The following ARHGAP44 variants were observed in gnomAD, a reference collection of about 807,000 sequenced individuals.
The protein encoded by ARHGAP44 is Rho GTPase activating protein 44, also known as rho GTPase-activating protein 44.
A neutral mutation model predicts 106.8 loss-of-function variants in ARHGAP44; 43 were observed. That is an observed-to-expected ratio of 0.40 (90% CI 0.32 to 0.52). The LOEUF (loss-of-function observed/expected upper bound fraction) is 0.52. Ranked by LOEUF, ARHGAP44 falls within the 20% of genes least tolerant of loss-of-function variation. ARHGAP44 has a pLI of 0.48. For missense variants in ARHGAP44, 866 were observed against 1,050.5 expected (o/e 0.82, Z 2.43); for synonymous variants, 439 against 410.3 (o/e 1.07, Z -0.85).
Position 12,974,106 on chromosome 17 carries a change from T to C in ARHGAP44, c.1559T>C (p.Met520Thr), listed in dbSNP as rs766771651. Residue 520 changes from methionine to threonine, a missense_variant, in exon 18 of 21, where the codon ATG (methionine) becomes ACG (threonine). Coordinates refer to ENST00000379672, the MANE Select transcript of ARHGAP44 (RefSeq NM_014859.6). The stretch of plus-strand genomic sequence containing the variant: ...CTCGCCAGCATGGGTGTGAGGGTCA[T>C]GGACACAAACTGGGTGGCTCGAAGA... Reference protein sequence around the residue: ...RKIQSMGVRVMDTNWVARRGS... With the variant: ...RKIQSMGVRVTDTNWVARRGS... 6.4e-7 allele frequency: 1 copy of C among 1,570,462 alleles called. No individual in the cohort carries two copies. The highest frequency in any genetic ancestry group is 8.6e-7 in the Non-Finnish European group (1 of 1,157,770).
intron 1 of ARHGAP44, among the ~76,000 whole-genome samples, chr17:12,890,829 A>T (rs186188770): frequency 1.2e-4 from 18 of 152,328 alleles, no homozygotes; most frequent in Non-Finnish European, 4.4e-5. Context: ...ATGCAGTTAA[A>T]GGAAGCCATG....
At position 12,984,584 on chromosome 17, in the gene ARHGAP44, G is replaced by A. The variant is rs888323516; in HGVS notation, c.1993G>A (p.Ala665Thr). 6.3e-6 allele frequency: 10 copies of A among 1,595,296 alleles called. No homozygotes were observed. The highest frequency in any genetic ancestry group is 5.1e-5 in the Admixed American group (3 of 58,274). ...PPKVPFGQPG[A>T]MADQSAGQPS... ...CAAGGTCCCCTTTGGCCAGCCGGGG[G>A]CTATGGCAGACCAGTCCGCTGGCCA... The change falls in exon 20 of 21, where the codon GCT (alanine) becomes ACT (threonine). Residue 665 changes from alanine (A) to threonine (T), a missense_variant. Transcript: ENST00000379672.
intron 1 of ARHGAP44, among the ~76,000 whole-genome samples, chr17:12,806,634 A>C (rs2034282122): frequency 6.6e-6 from 1 of 152,200 alleles, no homozygotes; most frequent in Non-Finnish European, 1.5e-5. Flanking sequence ...ATGAGCATGG[A>C]TTCTGATGTC....
At chr17:12,890,439 G>A (rs1028587455) in intron 1 of ARHGAP44, among the ~76,000 whole-genome samples, 1 of 152,170 alleles carries the variant, frequency 6.6e-6, no homozygotes, top group African/African-American at 2.4e-5. Context: ...ACTACACTTG[G>A]GGTTACTTGA....
At chr17:12,860,769 G>A (rs1330123467) in intron 1 of ARHGAP44, among the ~76,000 whole-genome samples, 1 of 152,072 alleles carries the variant, frequency 6.6e-6, no homozygotes, top group Non-Finnish European at 1.5e-5. Context: ...TCAGGGAAGG[G>A]ATGTGACTTG....
intron 1 of ARHGAP44, among the ~76,000 whole-genome samples, chr17:12,884,531 CT>C (rs1167595914): frequency 4.6e-5 from 7 of 152,126 alleles, no homozygotes; most frequent in Admixed American, 2.6e-4. Flanking sequence ...TTCAAAGTTT[CT>C]TTTTTACTTT....
At chr17:12,861,667 A>ATTTTTTTTTTTTT (rs2036085463) in intron 1 of ARHGAP44, among the ~76,000 whole-genome samples, 1 of 478 alleles carries the variant, frequency 2.1e-3, no homozygotes. Flanking sequence ...TTGAGATGGA[A>ATTTTTTTTTTTTT]TCTTGCTCAG....
intron 5 of ARHGAP44, among the ~76,000 whole-genome samples, chr17:12,918,294 T>C (rs561961821): frequency 6.6e-6 from 1 of 152,200 alleles, no homozygotes; most frequent in African/African-American, 2.4e-5. Flanking sequence ...ACGCAGAACA[T>C]TACTCATCCC....
chr17:12,825,545 A>G (rs150504659), intron 1 of ARHGAP44, among the ~76,000 whole-genome samples: 53 of 152,176 alleles, frequency 3.5e-4, no homozygotes, highest in Middle Eastern at 3.4e-3. Context: ...CTGGAGACCC[A>G]AGGGAGAGTT....
rs546176035 is a variant in ARHGAP44, at chr17:12,975,640, T to C, written c.1763+1330T>C. Among the ~76,000 whole-genome samples the C allele has an allele frequency of 8.2e-3, 1,231 of 150,986 alleles. 12 individuals carry two copies. Among genetic ancestry groups the C allele is most frequent in the African/African-American group, 0.028 (1,164 of 41,156 alleles). On this transcript the variant is annotated intron_variant, in intron 18 of 20. Coordinates refer to ENST00000379672, the MANE Select transcript of ARHGAP44 (RefSeq NM_014859.6). ...GGTGAAACCCCACCTCTACTAAAAA[T>C]ACAAAAAATTAGCTGGGCGTGGTGG... is the stretch of plus-strand genomic sequence containing the variant.
In ARHGAP44 at chr17:12,878,489, G is replaced by T. The variant is rs189336696; in HGVS notation, c.54-16451G>T. On this transcript the variant is annotated intron_variant, in intron 1 of 20. Coordinates refer to ENST00000379672, the MANE Select transcript of ARHGAP44 (RefSeq NM_014859.6). The stretch of plus-strand genomic sequence containing the variant: ...TGTACCCAGATGTCATCTACACAGC[G>T]CCTGTCATCCTGTGGAATGACTCAT... Among the ~76,000 whole-genome samples, 11 of 152,264 alleles carry T rather than the reference G, an allele frequency of 7.2e-5. No individual in the cohort carries two copies. In the East Asian group the frequency reaches 1.7e-3, roughly 24 times the overall value.
At chr17:12,923,028 T>C (rs2038130122) in intron 6 of ARHGAP44, among the ~76,000 whole-genome samples, 2 of 152,180 alleles carry the variant, frequency 1.3e-5, no homozygotes, top group South Asian at 4.1e-4. Context: ...CCCATGCAAA[T>C]TTCTGTTTTT....
At chr17:12,837,431 G>A (rs544639283) in intron 1 of ARHGAP44, among the ~76,000 whole-genome samples, 1 of 152,188 alleles carries the variant, frequency 6.6e-6, no homozygotes, top group East Asian at 1.9e-4. Flanking sequence ...AAAGAAAAGA[G>A]GGTTGATTTT....
chr17:12,874,919 G>A (rs1323279542), intron 1 of ARHGAP44, among the ~76,000 whole-genome samples: 1 of 150,940 alleles, frequency 6.6e-6, no homozygotes, highest in Non-Finnish European at 1.5e-5. Flanking sequence ...TATCGGGCAG[G>A]GCAGGATTGG....
intron 1 of ARHGAP44, among the ~76,000 whole-genome samples, chr17:12,826,478 C>T (rs2034922099): frequency 6.6e-6 from 1 of 152,180 alleles, no homozygotes; most frequent in East Asian, 1.9e-4. Flanking sequence ...TAGCCAGAGC[C>T]AACTTTGTTT....
chr17:12,929,120 A>C, intron 7 of ARHGAP44, 74 bp downstream of exon 7: 1 of 1,365,638 alleles, frequency 7.3e-7, no homozygotes, highest in Non-Finnish European at 1.0e-6. Flanking sequence ...TGTTCACTGG[A>C]GTTCTCTTAA....
chr17:12,891,798 G>GT (rs11408193), intron 1 of ARHGAP44, among the ~76,000 whole-genome samples: 102,822 of 142,562 alleles, frequency 0.72, 37,109 homozygotes, highest in East Asian at 0.93. Flanking sequence ...CATTTTTGGG[G>GT]TTTTTTTTTT....
intron 1 of ARHGAP44, among the ~76,000 whole-genome samples, chr17:12,823,695 T>G (rs2034839440): frequency 6.6e-6 from 1 of 152,214 alleles, no homozygotes; most frequent in Admixed American, 6.5e-5. Context: ...CATGTTTGAT[T>G]TCTTCCATCT....
At chr17:12,894,857 G>A (rs1010576562) in intron 1 of ARHGAP44, 83 bp from the exon 2 acceptor site, 3 of 1,247,320 alleles carry the variant, frequency 2.4e-6, no homozygotes, top group Non-Finnish European at 3.4e-6. Context: ...TTCTGGTATT[G>A]CCTTAATTGA....
Sources: gnomAD v4.1 joint callset for allele counts (sites outside exome capture counted in the v4.1 genomes callset) on GRCh38, gnomAD v4.1.1 for gene constraint, MANE v1.5 for transcripts, NCBI Gene and HGNC (gene_info 2026-07-23, HGNC 2026-07-21) for gene names.